CACNA2D4: variants seen among roughly 807,000 people sequenced by gnomAD.
The protein encoded by CACNA2D4 is calcium voltage-gated channel auxiliary subunit alpha2delta 4, also known as voltage-dependent calcium channel subunit alpha-2/delta-4.
CACNA2D4 carries 157 observed loss-of-function variants against 163.8 expected under a neutral mutation model. The ratio of observed to expected loss-of-function variants is 0.96; its 90% CI spans 0.84 to 1.09. CACNA2D4 has a LOEUF of 1.09. Ranked by LOEUF, CACNA2D4 falls within the 50% of genes least tolerant of loss-of-function variation. The probability of loss-of-function intolerance (pLI) is 0.00; values close to 1 mark genes in which losing one functional copy is unlikely to be tolerated. For missense variants in CACNA2D4, 1,410 were observed against 1,479.9 expected (o/e 0.95, Z 0.78); for synonymous variants, 598 against 586.9 (o/e 1.02, Z -0.27).
Position 1,864,694 on chromosome 12 carries a change from C to A in CACNA2D4, c.1879-4488G>T, listed in dbSNP as rs189812140. Reference sequence around the variant, plus strand: ...GTGTTGTTCTCGCCCAGCAGACGCTCCTCCGCAGATCCGAACTGGTTGCCT... The same window carrying A: ...GTGTTGTTCTCGCCCAGCAGACGCTACTCCGCAGATCCGAACTGGTTGCCT... On this transcript the variant is annotated intron_variant, in intron 18 of 37. Coordinates refer to ENST00000382722, the MANE Select transcript of CACNA2D4 (RefSeq NM_172364.5). Among the ~76,000 whole-genome samples, 521 of 152,330 alleles carry A rather than the reference C, an allele frequency of 3.4e-3. 2 individuals carry two copies. Among genetic ancestry groups the A allele is most frequent in the African/African-American group, 0.012 (507 of 41,574 alleles).
intron 25 of CACNA2D4, among the ~76,000 whole-genome samples, chr12:1,841,046 CA>C (rs1865012897): frequency 6.6e-6 from 1 of 152,274 alleles, no homozygotes; most frequent in Non-Finnish European, 1.5e-5. Context: ...GCCGCCAGCA[CA>C]GTGCAGGGCT....
At chr12:1,852,022 T>G (rs1294505351) in intron 23 of CACNA2D4, among the ~76,000 whole-genome samples, 3 of 152,228 alleles carry the variant, frequency 2.0e-5, no homozygotes, top group Admixed American at 2.0e-4. Context: ...TTCTCATATC[T>G]TCTATCTTTT....
At chr12:1,801,717 C>T (rs1275304649) in intron 29 of CACNA2D4, 73 bp from the exon 30 acceptor site, 11 of 1,056,442 alleles carry the variant, frequency 1.0e-5, no homozygotes, top group East Asian at 7.9e-5. Context: ...GAGTCCAGCA[C>T]TATTTATTCA....
intron 13 of CACNA2D4, among the ~76,000 whole-genome samples, chr12:1,881,219 T>C (rs1289070441): frequency 6.6e-6 from 1 of 152,164 alleles, no homozygotes; most frequent in Non-Finnish European, 1.5e-5. Flanking sequence ...AAGATCAAAC[T>C]GTGAACTGTG....
At chr12:1,797,021 C>T (rs1456618572) in intron 35 of CACNA2D4, among the ~76,000 whole-genome samples, 1 of 152,262 alleles carries the variant, frequency 6.6e-6, no homozygotes, top group East Asian at 1.9e-4. Flanking sequence ...CCACGCAGCT[C>T]AGGCGCGGGC....
chr12:1,793,739 G>C lies in CACNA2D4; in HGVS notation c.3330C>G (p.Gly1110=), dbSNP rs33912216. ...FHPEENAQDC[G]GASDTSASPP... is the part of the protein sequence containing the mutation. ...GCGAGGCTGAGGTGTCCGAGGCGCCGCCGCAGTCCTGGGCATTCTCCTGCG... is the reference window on the plus strand; with the variant it reads ...GCGAGGCTGAGGTGTCCGAGGCGCCCCCGCAGTCCTGGGCATTCTCCTGCG... The change falls in exon 38 of 38, where the codon GGC becomes GGG. Residue 1110 remains glycine (G), a synonymous_variant. Transcript: ENST00000382722. 2 of 1,613,082 alleles carry C rather than the reference G, an allele frequency of 1.2e-6. No homozygotes were observed. Among genetic ancestry groups the C allele is most frequent in the Admixed American group, 1.7e-5 (1 of 59,992 alleles).
rs189074544 is a variant in CACNA2D4 at position 1,844,359 on chromosome 12, C to T, written c.2470+43G>A. 3.1e-6 allele frequency: 5 copies of T among 1,605,578 alleles called. No individual in the cohort carries two copies. In the Admixed American group the frequency reaches 5.0e-5, roughly 16 times the overall value. On this transcript the variant is annotated intron_variant, in intron 25 of 37. Transcript: ENST00000382722. This position sits in a 1 kb window ranked among gnomAD's most constrained non-coding sequence, Gnocchi z 4.2. ...ACAGCAGGAGGAGAGATGAGACTGG[C>T]CTGAGACTGGCCCAGCCCCGGGAGC...
At chr12:1,915,903 AC>A (rs1407985326) in intron 1 of CACNA2D4, among the ~76,000 whole-genome samples, 1 of 152,178 alleles carries the variant, frequency 6.6e-6, no homozygotes, top group Admixed American at 6.5e-5. Context: ...GCCTGGAGCC[AC>A]CCCACAGTCC....
chr12:1,814,580 T>G (rs1388685524), intron 26 of CACNA2D4, among the ~76,000 whole-genome samples: 1 of 152,256 alleles, frequency 6.6e-6, no homozygotes, highest in Non-Finnish European at 1.5e-5. Context: ...CTGACCCTCC[T>G]TGAGACTTCT....
intron 3 of CACNA2D4, 89 bp downstream of exon 3, chr12:1,912,934 A>T (rs990615133): frequency 2.6e-6 from 2 of 767,010 alleles, no homozygotes; most frequent in Non-Finnish European, 4.6e-6. Context: ...AGGGGGGAGG[A>T]TGCAGGGCCA....
Position 1,797,502 on chromosome 12 carries a change from G to A in CACNA2D4, c.3029C>T (p.Pro1010Leu), listed in dbSNP as rs1198461307. 1 of 1,580,330 alleles carries A rather than the reference G, an allele frequency of 6.3e-7. No homozygotes were observed. Among genetic ancestry groups the A allele is most frequent in the East Asian group, 2.3e-5 (1 of 43,132 alleles). Residue 1010 changes from proline (P) to leucine (L), a missense_variant, in exon 35 of 38, where the codon CCC becomes CTC. Transcript: ENST00000382722. ...GAACACGGGGTACTCCGTGTCGCAG[G>A]GCTGCAGCGGGTCCTGCTTCTTGTG... is the stretch of plus-strand genomic sequence containing the variant. ...HKHKKQDPLQPCDTEYPVFVY... is the reference protein window; with the variant it reads ...HKHKKQDPLQLCDTEYPVFVY...
At chr12:1,836,750 T>A (rs768150924) in intron 26 of CACNA2D4, 1 of 152,708 alleles carries the variant, frequency 6.5e-6, no homozygotes, top group Non-Finnish European at 1.5e-5. Context: ...TATTTTCCTA[T>A]GTACTTCCTG....
chr12:1,839,070 C>A (rs1338576519), intron 26 of CACNA2D4, among the ~76,000 whole-genome samples: 2 of 152,202 alleles, frequency 1.3e-5, no homozygotes, highest in Admixed American at 1.3e-4. Flanking sequence ...TGGCACACAG[C>A]CCAGGACCCC....
chr12:1,794,660 A>G (rs908722847), intron 37 of CACNA2D4, among the ~76,000 whole-genome samples: 1 of 152,244 alleles, frequency 6.6e-6, no homozygotes, highest in African/African-American at 2.4e-5. Context: ...GACGCAGGTC[A>G]GGCGGCTGAG....
chr12:1,851,421 A>G (rs1865276441), intron 23 of CACNA2D4, among the ~76,000 whole-genome samples: 1 of 152,162 alleles, frequency 6.6e-6, no homozygotes, highest in African/African-American at 2.4e-5. Flanking sequence ...TGGCTCTCAA[A>G]CCGGTTATTT....
rs968363489 is a variant in CACNA2D4 at position 1,820,767 on chromosome 12, G to T, written c.2552-9044C>A. 1.1e-4 allele frequency: 16 copies of T among 152,364 alleles called. No homozygotes were observed. Among genetic ancestry groups the T allele is most frequent in the African/African-American group, 3.6e-4 (15 of 41,460 alleles). The allele number at this position is 152,364 out of a possible 1,614,324, so 9.4% of individuals were successfully genotyped here. A position where few individuals can be genotyped will look rare whatever the true frequency, so the allele number is the denominator to read the frequency against. On this transcript the variant is annotated intron_variant, in intron 26 of 37. Transcript: ENST00000382722. This position sits in a 1 kb window ranked among gnomAD's most constrained non-coding sequence, Gnocchi z 6.0. The stretch of plus-strand genomic sequence containing the variant: ...GAATCCCAGGAGGGTCTTACTGGAG[G>T]GTTGAGAGCCACCTGATTGAAGGCG...
rs972421721 is a variant in CACNA2D4, at chr12:1,806,187, A to T, written c.2721+4091T>A. ...GTGCCGCCCAGAAGCAAATGACAGG[A>T]ATCGGAGTCCCCAGATTCAGGGTGA... On this transcript the variant is annotated intron_variant, in intron 29 of 37. Coordinates refer to ENST00000382722, the MANE Select transcript of CACNA2D4 (RefSeq NM_172364.5). This position sits in a 1 kb window ranked among gnomAD's most constrained non-coding sequence, Gnocchi z 4.1. 2.6e-5 allele frequency among the ~76,000 whole-genome samples: 4 copies of T among 152,172 alleles called. No individual in the cohort carries two copies. The highest frequency in any genetic ancestry group is 9.7e-5 in the African/African-American group (4 of 41,422).
chr12:1,848,778 A>ATTATTATTATTT (rs1198136647), intron 23 of CACNA2D4, among the ~76,000 whole-genome samples: 1 of 150,392 alleles, frequency 6.6e-6, no homozygotes, highest in African/African-American at 2.4e-5. Context: ...TATTATTATT[A>ATTATTATTATTT]TTATTTTTAT....
intron 3 of CACNA2D4, among the ~76,000 whole-genome samples, chr12:1,912,452 G>A (rs1445656068): frequency 6.6e-6 from 1 of 152,214 alleles, no homozygotes; most frequent in Non-Finnish European, 1.5e-5. Flanking sequence ...AGAGTCACCT[G>A]GGCACAAGGC....
Sources: allele counts gnomAD v4.1 joint callset (sites outside exome capture counted in the v4.1 genomes callset), GRCh38; gene constraint gnomAD v4.1.1; non-coding constraint Gnocchi (gnomAD v3.1); transcripts MANE v1.5; gene names NCBI Gene and HGNC (gene_info 2026-07-23, HGNC 2026-07-21).